The following PHYKPL variants were observed in gnomAD, a reference collection of about 807,000 sequenced individuals.
PHYKPL encodes 5-phosphonooxy-L-lysine phospho-lyase.
A neutral mutation model predicts 51.3 loss-of-function variants in PHYKPL; 42 were observed. That is an observed-to-expected ratio of 0.82 (90% CI 0.64 to 1.06). The LOEUF is 1.06. Among genes scored for constraint, PHYKPL ranks in the 50% least tolerant of loss-of-function variants. The pLI is 0.00. For synonymous variants in PHYKPL, 264 were observed against 236.0 expected (o/e 1.12, Z -1.09); for missense variants, 655 against 586.6 (o/e 1.12, Z -1.20).
At chr5:178,223,194 C>A in intron 6 of PHYKPL, 1 of 475,962 alleles carries the variant, frequency 2.1e-6, no homozygotes, top group South Asian at 2.0e-5. Flanking sequence ...CCACCATAAG[C>A]CAGTTCCTTC....
rs2127510007 is a variant in PHYKPL at position 178,232,722 on chromosome 5, T to C, written c.-172A>G. ...GCGTTGCGGTGGTTCATTTCTTCGC[T>C]TGCCCACTGGGCCTGGCAGCCTTCC... On this transcript the variant is annotated 5_prime_UTR_variant, in exon 1 of 13. Transcript: ENST00000308158. The C allele has an allele frequency of 2.9e-6, 2 of 696,852 alleles. No individual in the cohort carries two copies. The highest frequency in any genetic ancestry group is 7.4e-5 in the East Asian group (2 of 27,088). The allele number at this position is 696,852 out of a possible 1,614,324, so 43.2% of individuals were successfully genotyped here.
intron 8 of PHYKPL, among the ~76,000 whole-genome samples, chr5:178,220,661 C>T (rs967113793): frequency 1.3e-5 from 2 of 151,302 alleles, no homozygotes; most frequent in African/African-American, 2.4e-5. Flanking sequence ...AAGAAAAACT[C>T]TTGCTACATG....
chr5:178,232,068 C>G (rs1561758367), intron 1 of PHYKPL: 21 of 1,190,782 alleles, frequency 1.8e-5, no homozygotes, highest in Non-Finnish European at 2.2e-5. Context: ...CCGACTCTCC[C>G]TTGTCTGCCC....
chr5:178,210,346 T>C (rs1757843077), intron 12 of PHYKPL: 2 of 1,603,842 alleles, frequency 1.2e-6, no homozygotes, highest in Non-Finnish European at 8.5e-7. Flanking sequence ...TAGGAGCCAC[T>C]GGCAGCAGGG....
At chr5:178,213,462 A>T (rs1581224854) in intron 10 of PHYKPL, among the ~76,000 whole-genome samples, 1 of 152,010 alleles carries the variant, frequency 6.6e-6, no homozygotes, top group Non-Finnish European at 1.5e-5. Context: ...TTGTTTCCTT[A>T]TATAGAGAAT....
At position 178,224,639 on chromosome 5, in the gene PHYKPL, TACC is replaced by T; in HGVS notation, c.501_501+2del. ...ACCTGTTGTTGAGTTGGGCAGTGCA[TACC>T]ACGTGGACCCACTCCTTCTGGCCAT... On this transcript the variant is annotated splice_donor_variant and coding_sequence_variant, in exon 5 of 13. Coordinates refer to ENST00000308158, the MANE Select transcript of PHYKPL (RefSeq NM_153373.4). LOFTEE classifies it high-confidence loss of function. 6.2e-7 allele frequency: 1 copy of T among 1,614,196 alleles called. No homozygotes were observed. The highest frequency in any genetic ancestry group is 1.6e-4 in the Middle Eastern group (1 of 6,062).
chr5:178,213,093 TCTCCTTCAG>T lies in PHYKPL; in HGVS notation c.1174_1182del (p.Leu392_Glu394del). 1 of 1,614,040 alleles carries T rather than the reference TCTCCTTCAG, an allele frequency of 6.2e-7. No homozygotes were observed. Among genetic ancestry groups the T allele is most frequent in the East Asian group, 2.2e-5 (1 of 44,888 alleles). ...CCATCAGTGCTCAGCAAAACGTAGT[TCTCCTTCAG>T]CCTGTGAGGACAGGACACCCCTTCA... On this transcript the variant is annotated inframe_deletion and splice_region_variant, in exon 11 of 13. Transcript: ENST00000308158.
At chr5:178,230,139 C>A in intron 2 of PHYKPL, 40 bp from the exon 3 acceptor site, 2 of 1,608,884 alleles carry the variant, frequency 1.2e-6, no homozygotes, top group African/African-American at 2.7e-5. Flanking sequence ...TGGCTCCACT[C>A]AGCCAGTCCC....
At chr5:178,207,308 T>C, downstream of PHYKPL, 2 of 1,524,400 alleles carry the variant, frequency 1.3e-6, no homozygotes, top group Non-Finnish European at 8.9e-7. Context: ...TTGGGCCTCA[T>C]GCAGGAGCTC....
In PHYKPL at chr5:178,212,943, G is replaced by A. The variant is rs1170601614; in HGVS notation, c.1303+30C>T. The A allele has an allele frequency of 5.6e-6, 9 of 1,612,336 alleles. No homozygotes were observed. In the African/African-American group the frequency reaches 8.0e-5, roughly 14 times the overall value. On this transcript the variant is annotated intron_variant, in intron 11 of 12. Transcript: ENST00000308158. ...TGCTGGCTTCAGGCTGAGTTCTAGA[G>A]ATATGGCCAAGCTCAGGCTTCAAGC...
At chr5:178,226,859 G>A (rs1012815637) in intron 3 of PHYKPL, among the ~76,000 whole-genome samples, 6 of 152,182 alleles carry the variant, frequency 3.9e-5, no homozygotes, top group Non-Finnish European at 7.3e-5. Flanking sequence ...TGGGAGTTAT[G>A]AGCCAGGAAC....
At chr5:178,220,407 G>A (rs1021148762) in intron 8 of PHYKPL, among the ~76,000 whole-genome samples, 4 of 150,358 alleles carry the variant, frequency 2.7e-5, no homozygotes, top group Admixed American at 2.6e-4. Context: ...AGGCAGGAGA[G>A]TTGCTTGAAC....
intron 3 of PHYKPL, 67 bp downstream of exon 3, chr5:178,229,873 C>T (rs1763028640): frequency 1.9e-6 from 3 of 1,577,932 alleles, no homozygotes; most frequent in Non-Finnish European, 2.6e-6. Context: ...CTACACTGGG[C>T]CCATGTGAGT....
At chr5:178,229,444 TTCC>T (rs745369165) in intron 3 of PHYKPL, among the ~76,000 whole-genome samples, 1 of 152,184 alleles carries the variant, frequency 6.6e-6, no homozygotes, top group Non-Finnish European at 1.5e-5. Context: ...GCACCCTTCC[TTCC>T]TCCTCTTCTA....
intron 12 of PHYKPL, chr5:178,209,307 A>C: frequency 6.2e-7 from 1 of 1,602,080 alleles, no homozygotes; most frequent in Non-Finnish European, 8.6e-7. Flanking sequence ...TACTGGCCTG[A>C]CCACTGTCCT....
chr5:178,231,454 G>A lies in PHYKPL; in HGVS notation c.129C>T (p.Tyr43=), dbSNP rs1275934602. The A allele has an allele frequency of 2.6e-5, 42 of 1,614,054 alleles. 1 individual carries two copies. The East Asian group carries it at 9.1e-4, about 35-fold the overall frequency. The change falls in exon 2 of 13, where the codon TAC becomes TAT. Residue 43 remains tyrosine, a synonymous_variant. Transcript: ENST00000308158. The part of the protein sequence containing the change: ...KIVRAQGQYM[Y]DEQGAEYIDC... Reference sequence around the variant, plus strand: ...CGATGTATTCTGCCCCCTGTTCATCGTACATGTACTGCCCTTGGGCCCGGA... The same window carrying A: ...CGATGTATTCTGCCCCCTGTTCATCATACATGTACTGCCCTTGGGCCCGGA...
intron 8 of PHYKPL, chr5:178,216,235 C>A (rs767216952): frequency 2.0e-5 from 3 of 152,170 alleles, no homozygotes; most frequent in Non-Finnish European, 4.4e-5. Context: ...GTGACGTACT[C>A]CTGGGAGTCT....
At position 178,211,924 on chromosome 5, in the gene PHYKPL, G is replaced by A. The variant is rs1411136589; in HGVS notation, c.1350C>T (p.Pro450=). The A allele has an allele frequency of 1.2e-6, 2 of 1,613,214 alleles. No homozygotes were observed. Among genetic ancestry groups the A allele is most frequent in the Admixed American group, 3.3e-5 (2 of 60,002 alleles). ...VRSCETLRLQ[P] is the part of the protein sequence containing the mutation. ...ACTTAGGCAGAGCAGGGCTGGCTTA[G>A]GGCTGGAGCCTCAGCGTTTCACAAC... Residue 450 remains proline, a synonymous_variant, in exon 12 of 13, where the codon CCC becomes CCT. Transcript: ENST00000308158.
At chr5:178,226,932 T>C (rs908328891) in intron 3 of PHYKPL, among the ~76,000 whole-genome samples, 5 of 152,030 alleles carry the variant, frequency 3.3e-5, no homozygotes, top group Non-Finnish European at 7.4e-5. Flanking sequence ...TATATATATG[T>C]GTGTATATAC....
Sources: allele counts gnomAD v4.1 joint callset (sites outside exome capture counted in the v4.1 genomes callset), GRCh38; gene constraint gnomAD v4.1.1; transcripts MANE v1.5; gene names NCBI Gene and HGNC (gene_info 2026-07-23, HGNC 2026-07-21).